The following CUL3 variants were observed in gnomAD, a reference collection of about 807,000 sequenced individuals.
CUL3 encodes cullin-3.
A neutral mutation model predicts 89.1 loss-of-function variants in CUL3; 19 were observed. The ratio of observed to expected loss-of-function variants is 0.21; its 90% CI spans 0.15 to 0.31. The LOEUF (loss-of-function observed/expected upper bound fraction) is 0.31, where lower values mean the gene tolerates loss of function less well. Among genes scored for constraint, CUL3 ranks in the 10% least tolerant of loss-of-function variants. The probability of loss-of-function intolerance (pLI) is 1.00; values close to 1 mark genes in which losing one functional copy is unlikely to be tolerated. For missense variants in CUL3, 469 were observed against 942.3 expected (o/e 0.50, Z 6.58); for synonymous variants, 351 against 308.4 (o/e 1.14, Z -1.45).
chr2:224,504,017 G>A (rs1229498585), intron 8 of CUL3, 195 bp from the exon 9 acceptor site: 4 of 453,968 alleles, frequency 8.8e-6, no homozygotes, highest in Non-Finnish European at 1.6e-5. Context: ...CTCATTTAGT[G>A]CATCATGAAT....
chr2:224,485,745 G>A lies in CUL3; in HGVS notation c.1843-3667C>T, dbSNP rs1691694346. Among the ~76,000 whole-genome samples the A allele has an allele frequency of 6.6e-6, 1 of 152,234 alleles. No homozygotes were observed. The highest frequency in any genetic ancestry group is 2.4e-5 in the African/African-American group (1 of 41,474). On this transcript the variant is annotated intron_variant, in intron 13 of 15. Transcript: ENST00000264414. The surrounding 1 kb of genome is among the most constrained non-coding windows in gnomAD (Gnocchi z 4.1). ...AGAGAGCAGTGGATCCCACAGCGCA[G>A]CACTCCAGCTCTGCGAAGGGACAGA... is the stretch of plus-strand genomic sequence containing the variant.
chr2:224,495,652 A>T, intron 13 of CUL3, 180 bp downstream of exon 13: 1 of 451,544 alleles, frequency 2.2e-6, no homozygotes. Flanking sequence ...AAGTTAATTT[A>T]AAAATAAGAC....
chr2:224,530,784 G>C (rs1378976558), intron 3 of CUL3, among the ~76,000 whole-genome samples: 1 of 152,086 alleles, frequency 6.6e-6, no homozygotes, highest in Non-Finnish European at 1.5e-5. Flanking sequence ...GCATGCACCT[G>C]TAGTCCTAAC....
Position 224,471,487 on chromosome 2 carries a change from T to C in CUL3, c.*2758A>G, listed in dbSNP as rs964620984. ...TAGGCCTTTTCTGCTACCCAACATA[T>C]CCGGTGAACAAAACATCAACAGTGC... On this transcript the variant is annotated 3_prime_UTR_variant, in exon 16 of 16. Transcript: ENST00000264414. The C allele has an allele frequency of 2.1e-5, 4 of 193,990 alleles. No individual in the cohort carries two copies. The highest frequency in any genetic ancestry group is 4.3e-5 in the Non-Finnish European group (4 of 93,166). 12.0% of individuals were successfully genotyped at this position (193,990 alleles called of 1,614,324 possible). A position where few individuals can be genotyped will look rare whatever the true frequency, so the allele number is the denominator to read the frequency against.
At chr2:224,520,650 C>T (rs1693227527) in intron 3 of CUL3, among the ~76,000 whole-genome samples, 1 of 152,234 alleles carries the variant, frequency 6.6e-6, no homozygotes, top group East Asian at 1.9e-4. Context: ...CTTTCTAAGC[C>T]ACAAGAAAAG....
chr2:224,510,791 T>C (rs993228443), intron 6 of CUL3, among the ~76,000 whole-genome samples: 1 of 152,232 alleles, frequency 6.6e-6, no homozygotes, highest in African/African-American at 2.4e-5. Context: ...ATCTCAAAAA[T>C]GTTCTTTACT....
intron 15 of CUL3, among the ~76,000 whole-genome samples, chr2:224,476,299 G>A (rs998748076): frequency 4.5e-4 from 69 of 152,192 alleles, no homozygotes; most frequent in African/African-American, 1.6e-3. Flanking sequence ...TTACAGGCGT[G>A]AGCCACCGCG....
chr2:224,531,086 G>A (rs1377212888), intron 3 of CUL3, among the ~76,000 whole-genome samples: 2 of 131,116 alleles, frequency 1.5e-5, no homozygotes, highest in Non-Finnish European at 3.2e-5. Flanking sequence ...ACCTAAAATA[G>A]CCTTTTTTTT....
At chr2:224,517,683 T>C (rs1316987955) in intron 3 of CUL3, among the ~76,000 whole-genome samples, 2 of 152,128 alleles carry the variant, frequency 1.3e-5, no homozygotes, top group Admixed American at 6.5e-5. Context: ...AAACAAATAG[T>C]GTACTTATAA....
At chr2:224,544,477 C>T (rs1694230062) in intron 2 of CUL3, among the ~76,000 whole-genome samples, 1 of 151,738 alleles carries the variant, frequency 6.6e-6, no homozygotes, top group Admixed American at 6.6e-5. Context: ...AGTTTTTTAC[C>T]ATTATAAGTA....
At chr2:224,527,435 T>C (rs922568870) in intron 3 of CUL3, among the ~76,000 whole-genome samples, 2 of 152,170 alleles carry the variant, frequency 1.3e-5, no homozygotes, top group African/African-American at 4.8e-5. Flanking sequence ...TTCTCCACGG[T>C]AGCTTTAGCA....
chr2:224,513,757 A>C, intron 4 of CUL3, 119 bp from the exon 5 acceptor site: 1 of 659,834 alleles, frequency 1.5e-6, no homozygotes, highest in East Asian at 2.9e-5. Flanking sequence ...TGAAGTGACC[A>C]ATCTCCAATA....
At chr2:224,569,690 C>G in intron 1 of CUL3, 1 of 1,190,188 alleles carries the variant, frequency 8.4e-7, no homozygotes. Context: ...TATACTTACA[C>G]ATCTTGAAGG....
chr2:224,570,173 T>C (rs1011070042), intron 1 of CUL3, among the ~76,000 whole-genome samples: 6 of 152,140 alleles, frequency 3.9e-5, no homozygotes, highest in South Asian at 2.1e-4. Flanking sequence ...ATACAGTCCA[T>C]TTGCAGTTAA....
At chr2:224,554,460 A>T (rs1191749889) in intron 2 of CUL3, among the ~76,000 whole-genome samples, 1 of 152,148 alleles carries the variant, frequency 6.6e-6, no homozygotes, top group East Asian at 1.9e-4. Context: ...AGCATACTAC[A>T]ACTTGATCAT....
At chr2:224,538,219 C>CT (rs1693964132) in intron 2 of CUL3, among the ~76,000 whole-genome samples, 1 of 152,150 alleles carries the variant, frequency 6.6e-6, no homozygotes, top group South Asian at 2.1e-4. Context: ...GCTGCAATGT[C>CT]TTCTTATTCA....
At chr2:224,544,423 A>G (rs1425229641) in intron 2 of CUL3, among the ~76,000 whole-genome samples, 1 of 152,212 alleles carries the variant, frequency 6.6e-6, no homozygotes, top group African/African-American at 2.4e-5. Context: ...ACTTAATGCC[A>G]TAACTTCTTC....
At chr2:224,525,173 G>C (rs1383955314) in intron 3 of CUL3, among the ~76,000 whole-genome samples, 1 of 151,894 alleles carries the variant, frequency 6.6e-6, no homozygotes, top group Non-Finnish European at 1.5e-5. Context: ...TAAAATTCTG[G>C]GTTTATCATA....
intron 2 of CUL3, among the ~76,000 whole-genome samples, chr2:224,553,604 G>A (rs1694597535): frequency 6.6e-6 from 1 of 152,190 alleles, no homozygotes; most frequent in Admixed American, 6.5e-5. Flanking sequence ...AAATGTGATA[G>A]TATTTAGAGG....
Sources: gnomAD v4.1 joint callset for allele counts (sites outside exome capture counted in the v4.1 genomes callset) on GRCh38, gnomAD v4.1.1 for gene constraint, Gnocchi (gnomAD v3.1) non-coding constraint, MANE v1.5 for transcripts, NCBI Gene and HGNC (gene_info 2026-07-23, HGNC 2026-07-21) for gene names.